The following POLN variants were observed in gnomAD, a reference collection of about 807,000 sequenced individuals.
POLN encodes DNA polymerase nu.
POLN carries 108 observed loss-of-function variants against 113.5 expected under a neutral mutation model. The observed-to-expected ratio is 0.95, with a 90% CI of 0.81 to 1.12. The LOEUF is 1.12. Among genes scored for constraint, POLN ranks in the 50% most tolerant of loss-of-function variants. POLN has a pLI of 0.00. For missense variants in POLN, 1,097 were observed against 1,077.1 expected (o/e 1.02, Z -0.26); for synonymous variants, 386 against 391.5 (o/e 0.99, Z 0.17).
At chr4:2,075,038 A>T (rs1346450827) in intron 24 of POLN, among the ~76,000 whole-genome samples, 1 of 152,110 alleles carries the variant, frequency 6.6e-6, no homozygotes, top group African/African-American at 2.4e-5. Flanking sequence ...CAGTGACTCC[A>T]ACACCCCCAA....
At chr4:2,100,605 T>A (rs1730899871) in intron 19 of POLN, among the ~76,000 whole-genome samples, 1 of 152,116 alleles carries the variant, frequency 6.6e-6, no homozygotes, top group Non-Finnish European at 1.5e-5. Flanking sequence ...GGGGGGTGAA[T>A]ACTTAAGAAA....
At chr4:2,173,548 A>G (rs1732918273) in intron 11 of POLN, among the ~76,000 whole-genome samples, 1 of 151,646 alleles carries the variant, frequency 6.6e-6, no homozygotes, top group Non-Finnish European at 1.5e-5. Flanking sequence ...CTCTGTGTCT[A>G]TTTTCCCACT....
rs971482324 is a variant in POLN, at chr4:2,095,416, G to T, written c.2065+435C>A. On this transcript the variant is annotated intron_variant, in intron 20 of 25. Transcript: ENST00000511885. ...CTCTCTGGGGTGCTTTGGCTGCATG[G>T]CCCAGCTGGGTGAGCTCTGCCCTAG... Among the ~76,000 whole-genome samples, 16 of 152,320 alleles carry T rather than the reference G, an allele frequency of 1.1e-4. No homozygotes were observed. The Middle Eastern group carries it at 0.01, about 97-fold the overall frequency.
intron 16 of POLN, among the ~76,000 whole-genome samples, chr4:2,133,819 G>C (rs535762643): frequency 1.3e-5 from 2 of 151,820 alleles, no homozygotes; most frequent in African/African-American, 2.4e-5. Flanking sequence ...GTCACATTCT[G>C]TCTCCCATCC....
intron 16 of POLN, 123 bp from the exon 17 acceptor site, chr4:2,131,413 A>C: frequency 1.6e-6 from 1 of 628,176 alleles, no homozygotes; most frequent in Admixed American, 3.1e-5. Flanking sequence ...TAACATGCAT[A>C]AGCACATTAA....
intron 6 of POLN, among the ~76,000 whole-genome samples, chr4:2,195,006 G>T (rs1177228395): frequency 2.6e-5 from 4 of 152,098 alleles, no homozygotes; most frequent in Non-Finnish European, 5.9e-5. Context: ...AAAATGGAGT[G>T]AATAAGGTAT....
intron 3 of POLN, among the ~76,000 whole-genome samples, chr4:2,220,095 C>G (rs1364076705): frequency 6.6e-6 from 1 of 152,126 alleles, no homozygotes; most frequent in Non-Finnish European, 1.5e-5. Flanking sequence ...TGTCTCCCAG[C>G]TACAAATTCG....
Position 2,085,737 on chromosome 4 carries a change from C to T in POLN, c.2073G>A (p.Glu691=). 6.2e-7 allele frequency: 1 copy of T among 1,613,816 alleles called. No individual in the cohort carries two copies. Among genetic ancestry groups the T allele is most frequent in the Non-Finnish European group, 8.5e-7 (1 of 1,180,030 alleles). The change falls in exon 21 of 26, where the codon GAG becomes GAA. Residue 691 remains glutamate, a synonymous_variant. Coordinates refer to ENST00000511885, the MANE Select transcript of POLN (RefSeq NM_181808.4). ...VYAVVYGAGK[E]RLAACLGVPI... The stretch of plus-strand genomic sequence containing the variant: ...GAACTCCAAGGCAAGCAGCCAGCCG[C>T]TCCTTCCCTGTCAGTCAGAGAGACG...
intron 3 of POLN, among the ~76,000 whole-genome samples, chr4:2,225,432 G>T (rs769047075): frequency 2.7e-4 from 41 of 151,892 alleles, no homozygotes; most frequent in Non-Finnish European, 5.1e-4. Flanking sequence ...GTGGGCGCCT[G>T]TAATACTGGC....
chr4:2,235,544 C>T (rs916705539), intron 2 of POLN, among the ~76,000 whole-genome samples: 1 of 152,056 alleles, frequency 6.6e-6, no homozygotes, highest in African/African-American at 2.4e-5. Context: ...ACTAACTATA[C>T]AAAAGAGAAA....
chr4:2,221,349 C>T (rs1411355372), intron 3 of POLN, among the ~76,000 whole-genome samples: 1 of 152,100 alleles, frequency 6.6e-6, no homozygotes, highest in African/African-American at 2.4e-5. Flanking sequence ...TTGGGAATCC[C>T]AAGTCACTAA....
At chr4:2,075,963 G>A (rs570783576) in intron 23 of POLN, among the ~76,000 whole-genome samples, 154 of 152,286 alleles carry the variant, frequency 1.0e-3, no homozygotes, top group African/African-American at 3.6e-3. Flanking sequence ...GCCCTGACAT[G>A]GGCCGAGCCT....
intron 4 of POLN, among the ~76,000 whole-genome samples, chr4:2,211,811 TCAAA>T (rs979958521): frequency 4.6e-5 from 7 of 152,008 alleles, no homozygotes; most frequent in South Asian, 2.1e-4. Context: ...AAGGCCTGTC[TCAAA>T]CAAACAAACA....
intron 20 of POLN, among the ~76,000 whole-genome samples, chr4:2,091,701 G>C (rs1215287991): frequency 6.6e-6 from 1 of 151,662 alleles, no homozygotes; most frequent in African/African-American, 2.4e-5. Flanking sequence ...AATCCTACAC[G>C]AACACACAAT....
intron 8 of POLN, among the ~76,000 whole-genome samples, chr4:2,178,320 A>T (rs12650308): frequency 0.25 from 37,336 of 151,884 alleles, 7,043 homozygotes; most frequent in African/African-American, 0.51. Flanking sequence ...TCACATCACC[A>T]CTTGCTTTGC....
chr4:2,080,795 G>A, intron 23 of POLN, 163 bp downstream of exon 23: 6 of 1,493,288 alleles, frequency 4.0e-6, no homozygotes, highest in Non-Finnish European at 5.3e-6. Flanking sequence ...CTGCATGCCT[G>A]CTGTGAGTAG....
At chr4:2,191,371 A>G (rs2108756167) in intron 7 of POLN, among the ~76,000 whole-genome samples, 1 of 152,318 alleles carries the variant, frequency 6.6e-6, no homozygotes, top group East Asian at 1.9e-4. Flanking sequence ...GTAGTTGATT[A>G]ACGGTTACAA....
chr4:2,213,808 C>T (rs962628238), intron 3 of POLN, among the ~76,000 whole-genome samples: 1 of 152,096 alleles, frequency 6.6e-6, no homozygotes, highest in Non-Finnish European at 1.5e-5. Context: ...AAGATCTGTA[C>T]AAATGAAAAG....
intron 13 of POLN, 49 bp downstream of exon 13, chr4:2,170,630 C>T (rs1732836793): frequency 2.6e-6 from 4 of 1,509,758 alleles, no homozygotes; most frequent in Non-Finnish European, 3.7e-6. Context: ...ACATGTGGTG[C>T]AGACATGCTG....
Sources: gnomAD v4.1 joint callset for allele counts (sites outside exome capture counted in the v4.1 genomes callset) on GRCh38, gnomAD v4.1.1 for gene constraint, MANE v1.5 for transcripts, NCBI Gene and HGNC (gene_info 2026-07-23, HGNC 2026-07-21) for gene names.